MEF2A: variants seen among roughly 807,000 people sequenced by gnomAD.
MEF2A encodes myocyte enhancer factor 2A.
In MEF2A, 28 loss-of-function variants were observed where a neutral mutation model predicts 55.8. The observed-to-expected ratio is 0.50, with a 90% CI of 0.37 to 0.69. The LOEUF is 0.69. MEF2A is among the 30% of genes least tolerant of loss of function. The pLI is 0.00. For missense variants in MEF2A, 528 were observed against 626.2 expected, an observed-to-expected ratio of 0.84 and a Z score of 1.67; for synonymous variants, 239 against 227.1, an observed-to-expected ratio of 1.05 and a Z score of -0.47.
intron 2 of MEF2A, among the ~76,000 whole-genome samples, chr15:99,604,966 G>A (rs950009553): frequency 2.0e-5 from 3 of 152,160 alleles, no homozygotes; most frequent in Admixed American, 6.5e-5. Flanking sequence ...TTTTGTTGGA[G>A]ACAGAGTCTT....
intron 8 of MEF2A, among the ~76,000 whole-genome samples, chr15:99,703,152 C>G (rs2057614916): frequency 6.6e-6 from 1 of 152,140 alleles, no homozygotes; most frequent in Admixed American, 6.5e-5. Context: ...AATACTGGCC[C>G]TAGAGAATTT....
chr15:99,607,276 A>G (rs1465379009), intron 2 of MEF2A, among the ~76,000 whole-genome samples: 1 of 152,144 alleles, frequency 6.6e-6, no homozygotes, highest in Non-Finnish European at 1.5e-5. Context: ...ATAGTGGGTG[A>G]TTTTAGGAGT....
At position 99,579,861 on chromosome 15, in the gene MEF2A, G is replaced by A. The variant is rs542172280; in HGVS notation, c.-225+13757G>A. On this transcript the variant is annotated intron_variant, in intron 1 of 11. Coordinates refer to ENST00000557942, the MANE Select transcript of MEF2A (RefSeq NM_001319206.4). The stretch of plus-strand genomic sequence containing the variant: ...TTATGAGTCTTTTAAGGTCTTGTAG[G>A]ACCTTAACTATTCCCTTTTCTTTTT... Among the ~76,000 whole-genome samples, 5 of 152,208 alleles carry A rather than the reference G, an allele frequency of 3.3e-5. 1 individual carries two copies. Among genetic ancestry groups the A allele is most frequent in the African/African-American group, 1.2e-4 (5 of 41,522 alleles).
At chr15:99,701,709 T>G (rs2057405259) in intron 8 of MEF2A, among the ~76,000 whole-genome samples, 1 of 152,224 alleles carries the variant, frequency 6.6e-6, no homozygotes, top group South Asian at 2.1e-4. Flanking sequence ...GAATAAATAG[T>G]TTAAAATATA....
chr15:99,678,049 CAA>C (rs1222540806), intron 7 of MEF2A, among the ~76,000 whole-genome samples: 1 of 151,918 alleles, frequency 6.6e-6, no homozygotes, highest in Non-Finnish European at 1.5e-5. Flanking sequence ...AATAGAAAAA[CAA>C]ATTGAATTAA....
intron 8 of MEF2A, among the ~76,000 whole-genome samples, chr15:99,693,509 A>C (rs938786020): frequency 3.9e-5 from 6 of 152,332 alleles, no homozygotes; most frequent in Middle Eastern, 3.4e-3. Flanking sequence ...AATCTTAGAG[A>C]TACATTACAG....
At position 99,584,879 on chromosome 15, in the gene MEF2A, TTTTTC is replaced by T. The variant is rs368666220; in HGVS notation, c.-224-13550_-224-13546del. Among the ~76,000 whole-genome samples, 458 of 152,320 alleles carry T rather than the reference TTTTTC, an allele frequency of 3.0e-3. 4 individuals are homozygous for T. The highest frequency in any genetic ancestry group is 0.01 in the African/African-American group (430 of 41,572). ...TCAATAAAGCTACTTTCTTTTTTATTTTTTCAGAAAAGAACGGAAGCTGTTTGAAC... is the reference window on the plus strand; with the variant it reads ...TCAATAAAGCTACTTTCTTTTTTATTAGAAAAGAACGGAAGCTGTTTGAAC... On this transcript the variant is annotated intron_variant, in intron 1 of 11. Transcript: ENST00000557942.
intron 10 of MEF2A, among the ~76,000 whole-genome samples, chr15:99,708,195 G>A (rs2058249528): frequency 6.6e-6 from 1 of 152,200 alleles, no homozygotes; most frequent in African/African-American, 2.4e-5. Flanking sequence ...TTCCAAGTGA[G>A]GAGGCAGGAC....
At chr15:99,608,141 A>G (rs1173910122) in intron 2 of MEF2A, among the ~76,000 whole-genome samples, 2 of 152,232 alleles carry the variant, frequency 1.3e-5, no homozygotes, top group African/African-American at 4.8e-5. Context: ...TTTTAAAATA[A>G]TCATATGTCC....
At chr15:99,646,267 A>G (rs2153482855) in intron 4 of MEF2A, among the ~76,000 whole-genome samples, 1 of 152,266 alleles carries the variant, frequency 6.6e-6, no homozygotes, top group South Asian at 2.1e-4. Flanking sequence ...TAGCTCTCAT[A>G]GTTCTCCCAA....
At chr15:99,640,454 T>C (rs2044672387) in intron 3 of MEF2A, among the ~76,000 whole-genome samples, 1 of 152,126 alleles carries the variant, frequency 6.6e-6, no homozygotes, top group African/African-American at 2.4e-5. Flanking sequence ...CTCACCTTGA[T>C]ATAGCTACAT....
intron 8 of MEF2A, among the ~76,000 whole-genome samples, chr15:99,702,878 C>T (rs1324621765): frequency 6.6e-6 from 1 of 152,150 alleles, no homozygotes; most frequent in African/African-American, 2.4e-5. Flanking sequence ...TAACTGCTAG[C>T]TCCTGCGGGA....
chr15:99,634,659 GAA>G (rs1317595828), intron 3 of MEF2A, among the ~76,000 whole-genome samples: 1 of 152,282 alleles, frequency 6.6e-6, no homozygotes, highest in East Asian at 1.9e-4. Context: ...TTTGTAGAGA[GAA>G]AGAGCAGCTA....
At chr15:99,570,022 TTAA>T (rs1019111431) in intron 1 of MEF2A, among the ~76,000 whole-genome samples, 21 of 151,834 alleles carry the variant, frequency 1.4e-4, no homozygotes, top group Non-Finnish European at 2.1e-4. Context: ...GCTTTATACT[TTAA>T]TAATATTTAT....
In MEF2A at chr15:99,662,770, G is replaced by A. The variant is rs143331976; in HGVS notation, c.259-8553G>A. Among the ~76,000 whole-genome samples the A allele has an allele frequency of 2.3e-3, 343 of 152,220 alleles. 1 individual carries two copies. The highest frequency in any genetic ancestry group is 3.8e-3 in the Non-Finnish European group (261 of 67,984). The stretch of plus-strand genomic sequence containing the variant: ...TAGGATTACAGGCATGAGCCACCGC[G>A]CCCGGCCCAAGCCATGATTTCTTTA... On this transcript the variant is annotated intron_variant, in intron 4 of 11. Transcript: ENST00000557942.
intron 2 of MEF2A, among the ~76,000 whole-genome samples, chr15:99,617,684 C>G (rs2040439919): frequency 6.6e-6 from 1 of 152,038 alleles, no homozygotes; most frequent in African/African-American, 2.4e-5. Flanking sequence ...GTCACTCTTT[C>G]ATCTTTTCTT....
intron 1 of MEF2A, among the ~76,000 whole-genome samples, chr15:99,591,721 T>C (rs543402695): frequency 8.1e-4 from 124 of 152,294 alleles, no homozygotes; most frequent in African/African-American, 1.5e-3. Flanking sequence ...TTTTGATGTT[T>C]TTACATCTTC....
At chr15:99,699,289 G>GA (rs1347570676) in intron 8 of MEF2A, among the ~76,000 whole-genome samples, 4 of 152,182 alleles carry the variant, frequency 2.6e-5, no homozygotes, top group African/African-American at 9.7e-5. Context: ...CAATACAGAT[G>GA]AATCCTAAGT....
At chr15:99,651,457 G>GT (rs763017586) in intron 4 of MEF2A, among the ~76,000 whole-genome samples, 9 of 152,158 alleles carry the variant, frequency 5.9e-5, no homozygotes, top group Non-Finnish European at 1.2e-4. Flanking sequence ...CTTGCCTAAT[G>GT]TTTTACAGGG....
Sources: gnomAD v4.1 joint callset for allele counts (sites outside exome capture counted in the v4.1 genomes callset) on GRCh38, gnomAD v4.1.1 for gene constraint, MANE v1.5 for transcripts, NCBI Gene and HGNC (gene_info 2026-07-23, HGNC 2026-07-21) for gene names.